MRTFA: variants seen among roughly 807,000 people sequenced by gnomAD.
The protein encoded by MRTFA is myocardin-related transcription factor A.
A neutral mutation model predicts 83.5 loss-of-function variants in MRTFA; 20 were observed. That is an observed-to-expected ratio of 0.24 (90% CI 0.17 to 0.35). MRTFA has a LOEUF of 0.35. MRTFA is among the 10% of genes least tolerant of loss of function. The probability of loss-of-function intolerance (pLI) is 1.00; values close to 1 mark genes in which losing one functional copy is unlikely to be tolerated. For missense variants in MRTFA, 1,200 were observed against 1,224.7 expected, an observed-to-expected ratio of 0.98 and a Z score of 0.30; for synonymous variants, 659 against 541.2, an observed-to-expected ratio of 1.22 and a Z score of -3.02.
At chr22:40,537,164 G>T (rs1461228976) in intron 3 of MRTFA, among the ~76,000 whole-genome samples, 2 of 34,672 alleles carry the variant, frequency 5.8e-5, no homozygotes, top group Non-Finnish European at 1.1e-4. Flanking sequence ...GGTGAGGGGC[G>T]CCTCTGCCCG....
intron 3 of MRTFA, among the ~76,000 whole-genome samples, chr22:40,507,559 G>A (rs1234826127): frequency 6.6e-6 from 1 of 151,948 alleles, no homozygotes; most frequent in Non-Finnish European, 1.5e-5. Context: ...CAAGGCTGCA[G>A]TGAGCTATGA....
intron 3 of MRTFA, chr22:40,519,719 T>A: frequency 1.4e-6 from 1 of 723,680 alleles, no homozygotes; most frequent in Admixed American, 3.6e-5. Flanking sequence ...AAAAGCACAA[T>A]AATGGAGTCA....
chr22:40,461,956 C>T (rs565014621), intron 4 of MRTFA, among the ~76,000 whole-genome samples: 15 of 152,336 alleles, frequency 9.8e-5, no homozygotes, highest in African/African-American at 2.9e-4. Flanking sequence ...TCCAAACACA[C>T]CAACTTCTGG....
chr22:40,594,942 C>T (rs911903803), intron 1 of MRTFA, among the ~76,000 whole-genome samples: 2 of 146,488 alleles, frequency 1.4e-5, no homozygotes, highest in African/African-American at 5.0e-5. Context: ...ATAGGTAACA[C>T]TGATTGGGCA....
chr22:40,418,966 G>A lies in MRTFA; in HGVS notation c.1772C>T (p.Ala591Val). The stretch of plus-strand genomic sequence containing the variant: ...CTTCACGAGGATCTGCAGTGGCGAG[G>A]CCTGCAGGGTCAGCTGCGTCAGAGG... The change falls in exon 12 of 15, where the codon GCC becomes GTC. Residue 591 changes from alanine (A) to valine (V), a missense_variant. By Grantham distance (64) the Ala-to-Val change is moderately conservative. This residue lies in a region of MRTFA where 1,107 missense variants were observed against 1,041.8 expected (regional missense o/e 1.06). Coordinates refer to ENST00000355630, the MANE Select transcript of MRTFA (RefSeq NM_020831.6). The A allele has an allele frequency of 1.2e-6, 2 of 1,612,878 alleles. No individual in the cohort carries two copies. The highest frequency in any genetic ancestry group is 2.7e-5 in the African/African-American group (2 of 75,040).
At chr22:40,468,668 TAAAGG>T (rs768968720) in intron 3 of MRTFA, among the ~76,000 whole-genome samples, 64 of 152,182 alleles carry the variant, frequency 4.2e-4, no homozygotes, top group Non-Finnish European at 8.4e-4. Context: ...TGTTGATGAG[TAAAGG>T]AAATGCCCCT....
chr22:40,554,359 T>A (rs918503091), intron 2 of MRTFA, among the ~76,000 whole-genome samples: 16 of 152,178 alleles, frequency 1.1e-4, no homozygotes, highest in African/African-American at 3.9e-4. Context: ...GTAGTTCCCA[T>A]AATCCCCATG....
Position 40,423,550 on chromosome 22 carries a change from G to A in MRTFA, c.913C>T (p.Pro305Ser), listed in dbSNP as rs745479972. 7.7e-6 allele frequency: 12 copies of A among 1,565,358 alleles called. No individual in the cohort carries two copies. Among genetic ancestry groups the A allele is most frequent in the East Asian group, 2.4e-5 (1 of 42,390 alleles). Residue 305 changes from proline (P) to serine (S), a missense_variant, in exon 9 of 15, where the codon CCC becomes TCC. Coordinates refer to ENST00000355630, the MANE Select transcript of MRTFA (RefSeq NM_020831.6). ...CAGAAATGTACCTTAATGAGTGTGG[G>A]GGTGGACTTGGCAGTGGGGATAGTG...
intron 2 of MRTFA, among the ~76,000 whole-genome samples, chr22:40,573,837 G>C (rs1430375784): frequency 6.6e-6 from 1 of 152,130 alleles, no homozygotes; most frequent in Non-Finnish European, 1.5e-5. Flanking sequence ...TTGGGAGGCT[G>C]AGGCAGGTGG....
At chr22:40,565,857 T>C (rs559469175) in intron 2 of MRTFA, among the ~76,000 whole-genome samples, 2 of 152,338 alleles carry the variant, frequency 1.3e-5, no homozygotes, top group African/African-American at 4.8e-5. Flanking sequence ...ACCCTTATTA[T>C]AAATGAGGCA....
intron 3 of MRTFA, chr22:40,521,748 T>C (rs910352132): frequency 2.0e-5 from 3 of 152,242 alleles, no homozygotes; most frequent in East Asian, 1.9e-4. Flanking sequence ...TCCACCCACC[T>C]TGACCTCACA....
intron 4 of MRTFA, chr22:40,436,438 A>C (rs1332620396): frequency 6.5e-6 from 1 of 154,344 alleles, no homozygotes; most frequent in Non-Finnish European, 1.5e-5. Context: ...TTCATCTCTA[A>C]GGACTAAAAG....
chr22:40,623,526 G>A (rs1349069095), intron 1 of MRTFA, among the ~76,000 whole-genome samples: 2 of 151,042 alleles, frequency 1.3e-5, no homozygotes, highest in Non-Finnish European at 3.0e-5. Flanking sequence ...TCAGGAAAGG[G>A]GTGTTCATTC....
chr22:40,535,128 A>C (rs376897731), intron 3 of MRTFA, among the ~76,000 whole-genome samples: 20 of 152,142 alleles, frequency 1.3e-4, no homozygotes, highest in African/African-American at 4.8e-4. Flanking sequence ...GTGTGGGCTA[A>C]ATGCTGCTCT....
chr22:40,451,664 G>C (rs1236128295), intron 4 of MRTFA, among the ~76,000 whole-genome samples: 2 of 152,096 alleles, frequency 1.3e-5, no homozygotes, highest in Non-Finnish European at 2.9e-5. Context: ...TCGACACAGG[G>C]AATTCCAAAA....
At chr22:40,516,811 C>T (rs2054768305) in intron 3 of MRTFA, among the ~76,000 whole-genome samples, 1 of 152,064 alleles carries the variant, frequency 6.6e-6, no homozygotes, top group South Asian at 2.1e-4. Flanking sequence ...AGCTTCTATG[C>T]AAAGGTTAGG....
At chr22:40,484,942 G>T (rs112476771) in intron 3 of MRTFA, among the ~76,000 whole-genome samples, 1 of 152,004 alleles carries the variant, frequency 6.6e-6, no homozygotes. Flanking sequence ...ATGGTGGCAC[G>T]TGCCTGTAAA....
At chr22:40,593,175 A>G (rs1402483276) in intron 2 of MRTFA, among the ~76,000 whole-genome samples, 3 of 152,192 alleles carry the variant, frequency 2.0e-5, no homozygotes, top group Non-Finnish European at 4.4e-5. Context: ...AAGCCCCCAA[A>G]AAAAGAAAAA....
intron 2 of MRTFA, chr22:40,586,841 G>A: frequency 2.5e-6 from 1 of 398,170 alleles, no homozygotes; most frequent in South Asian, 1.9e-5. Context: ...CCCTACCACA[G>A]GCTTCTTGAC....
Sources: allele counts gnomAD v4.1 joint callset (sites outside exome capture counted in the v4.1 genomes callset), GRCh38; gene constraint gnomAD v4.1.1; regional missense constraint gnomAD v4.1.1; transcripts MANE v1.5; gene names NCBI Gene and HGNC (gene_info 2026-07-23, HGNC 2026-07-21).